Variants in FREM1 observed in about 807,000 individuals in gnomAD.
FREM1 encodes the protein FRAS1 related extracellular matrix 1, also known as FRAS1-related extracellular matrix protein 1.
A neutral mutation model predicts 210.1 loss-of-function variants in FREM1; 220 were observed. The observed-to-expected ratio is 1.05, with a 90% CI of 0.94 to 1.17. The LOEUF is 1.17. Ranked by LOEUF, FREM1 falls within the 50% of genes most tolerant of loss-of-function variation. The pLI is 0.00. For missense variants in FREM1, 3,454 were observed against 2,675.5 expected (o/e 1.29, Z -6.42); for synonymous variants, 1,189 against 980.2 (o/e 1.21, Z -3.98).
At chr9:14,790,343 G>A (rs1817911344) in intron 22 of FREM1, among the ~76,000 whole-genome samples, 1 of 152,050 alleles carries the variant, frequency 6.6e-6, no homozygotes, top group Non-Finnish European at 1.5e-5. Flanking sequence ...TCTGATGTTT[G>A]TAGACTTATG....
At chr9:14,816,235 T>C (rs774524532) in intron 15 of FREM1, among the ~76,000 whole-genome samples, 8 of 152,200 alleles carry the variant, frequency 5.3e-5, no homozygotes, top group Non-Finnish European at 1.0e-4. Flanking sequence ...TAATTCTACC[T>C]CTAAATAGAT....
In FREM1 at chr9:14,868,874, A is replaced by G. The variant is rs761817313; in HGVS notation, c.104T>C (p.Met35Thr). The G allele has an allele frequency of 1.2e-6, 2 of 1,608,078 alleles. No individual in the cohort carries two copies. Among genetic ancestry groups the G allele is most frequent in the Admixed American group, 3.4e-5 (2 of 59,238 alleles). The change falls in exon 2 of 37, where the codon ATG (methionine) becomes ACG (threonine). Residue 35 changes from methionine (M) to threonine (T), a missense_variant. By Grantham distance (81) the Met-to-Thr change is moderately conservative. Transcript: ENST00000380880. The stretch of plus-strand genomic sequence containing the variant: ...TGACAGGAAGGCAGAGTGGCCCTTC[A>G]TCACCCTCACCCCGCGGTTGATGCT... The part of the protein sequence containing the change: ...FISINRGVRV[M>T]KGHSAFLSGD...
intron 8 of FREM1, 43 bp downstream of exon 8, chr9:14,845,917 T>C (rs1826518905): frequency 6.2e-7 from 1 of 1,605,766 alleles, no homozygotes; most frequent in Non-Finnish European, 8.5e-7. Context: ...TTGAAGAAAA[T>C]ACTTTTGGAT....
chr9:14,758,081 G>A (rs1210776361), intron 28 of FREM1, among the ~76,000 whole-genome samples: 2 of 152,116 alleles, frequency 1.3e-5, no homozygotes, highest in Admixed American at 6.6e-5. Flanking sequence ...AGGTGAAGGT[G>A]CACAATTCAA....
chr9:14,832,483 C>T (rs1823747425), intron 10 of FREM1, among the ~76,000 whole-genome samples: 1 of 152,192 alleles, frequency 6.6e-6, no homozygotes, highest in Non-Finnish European at 1.5e-5. Context: ...GGCAAAGAAA[C>T]AGGGGAAACA....
chr9:14,799,842 A>G (rs2133249949), intron 20 of FREM1, among the ~76,000 whole-genome samples: 1 of 151,798 alleles, frequency 6.6e-6, no homozygotes, highest in South Asian at 2.1e-4. Flanking sequence ...ACATGTGCAC[A>G]ATGTGCAGGT....
At chr9:14,831,617 T>C (rs1189530532) in intron 10 of FREM1, among the ~76,000 whole-genome samples, 1 of 152,250 alleles carries the variant, frequency 6.6e-6, no homozygotes, top group East Asian at 1.9e-4. Context: ...AGAACCATTT[T>C]TCTATGGGTA....
At position 14,808,038 on chromosome 9, in the gene FREM1, C is replaced by T. The variant is rs1818702220; in HGVS notation, c.2990G>A (p.Gly997Glu). Residue 997 changes from glycine (G) to glutamate (E), a missense_variant, in exon 17 of 37, where the codon GGA becomes GAA. Transcript: ENST00000380880. ...GPFVNGCCYN[G>E]PNPSVPLHAS... Reference sequence around the variant, plus strand: ...ATGAAGTGGAACAGATGGATTGGGTCCATTGTAGCAACAGCCATTCACAAA... The same window carrying T: ...ATGAAGTGGAACAGATGGATTGGGTTCATTGTAGCAACAGCCATTCACAAA... The T allele has an allele frequency of 6.2e-7, 1 of 1,613,512 alleles. No homozygotes were observed. The highest frequency in any genetic ancestry group is 8.5e-7 in the Non-Finnish European group (1 of 1,179,656).
rs1167952603 is a variant in FREM1, at chr9:14,836,812, G to A, written c.1881+4635C>T. Among the ~76,000 whole-genome samples the A allele has an allele frequency of 2.0e-5, 3 of 152,198 alleles. No homozygotes were observed. Among genetic ancestry groups the A allele is most frequent in the Admixed American group, 1.3e-4 (2 of 15,278 alleles). ...ATTCAACGCCCCTTTTAAGTAGGAA[G>A]TAGCCAGAAAGAGTCTTCGCCCAAA... On this transcript the variant is annotated intron_variant, in intron 10 of 36. Transcript: ENST00000380880. This position sits in a 1 kb window ranked among gnomAD's most constrained non-coding sequence, Gnocchi z 4.9.
At chr9:14,823,035 T>C (rs1564009210) in intron 13 of FREM1, 125 bp downstream of exon 13, 2 of 617,302 alleles carry the variant, frequency 3.2e-6, no homozygotes, top group Non-Finnish European at 5.0e-6. Flanking sequence ...TACTACACCA[T>C]AGATGGAAAT....
rs150991569 is a variant in FREM1 at position 14,890,415 on chromosome 9, A to C, written c.-268+19499T>G. 2.5e-3 allele frequency among the ~76,000 whole-genome samples: 380 copies of C among 152,366 alleles called. 2 individuals carry two copies. The highest frequency in any genetic ancestry group is 8.7e-3 in the African/African-American group (362 of 41,578). On this transcript the variant is annotated intron_variant, in intron 1 of 36. Coordinates refer to ENST00000380880, the MANE Select transcript of FREM1 (RefSeq NM_001379081.2). Reference sequence around the variant, plus strand: ...CACCATACCCAAATACATTTGAAGCACAGAACGCTAAAATCACCTTCTAAA... The same window carrying C: ...CACCATACCCAAATACATTTGAAGCCCAGAACGCTAAAATCACCTTCTAAA...
Position 14,861,372 on chromosome 9 carries a change from T to C in FREM1, c.330-1888A>G, listed in dbSNP as rs1830536412. Among the ~76,000 whole-genome samples, 7 of 88,276 alleles carry C rather than the reference T, an allele frequency of 7.9e-5. 1 individual carries two copies. The allele number at this position is 88,276 out of a possible 152,430, so 57.9% of individuals were successfully genotyped here. A position where few individuals can be genotyped will look rare whatever the true frequency, so the allele number is the denominator to read the frequency against. On this transcript the variant is annotated intron_variant, in intron 3 of 36. Transcript: ENST00000380880. ...ATACATATATACACATATATACACGTATATACATATATGTACACATATATA... is the reference window on the plus strand; with the variant it reads ...ATACATATATACACATATATACACGCATATACATATATGTACACATATATA...
At chr9:14,833,348 T>A (rs574481702) in intron 10 of FREM1, among the ~76,000 whole-genome samples, 2 of 152,214 alleles carry the variant, frequency 1.3e-5, no homozygotes, top group South Asian at 4.1e-4. Flanking sequence ...GCGGCTGTTA[T>A]CATCTTTGTT....
At chr9:14,751,304 T>C (rs1480823859) in intron 29 of FREM1, among the ~76,000 whole-genome samples, 1 of 152,220 alleles carries the variant, frequency 6.6e-6, no homozygotes, top group Non-Finnish European at 1.5e-5. Context: ...TTTACTCCTT[T>C]AAGCCCCTCT....
intron 19 of FREM1, among the ~76,000 whole-genome samples, chr9:14,802,861 T>C (rs1817550356): frequency 1.3e-5 from 2 of 152,184 alleles, no homozygotes; most frequent in South Asian, 2.1e-4. Context: ...CTAGTGCTGC[T>C]AGATATTCAT....
Position 14,770,720 on chromosome 9 carries a change from C to A in FREM1, c.4944G>T (p.Gly1648=). The stretch of plus-strand genomic sequence containing the variant: ...TCAACACGCGGGAAGTGATGTAAAT[C>A]CCGTAGCAGCCATTTTTCAGGAGCC... The part of the protein sequence containing the change: ...QVGLLKNGCY[G]IYITSRVLKA... Residue 1648 remains glycine, a synonymous_variant, in exon 26 of 37, where the codon GGG becomes GGT. Coordinates refer to ENST00000380880, the MANE Select transcript of FREM1 (RefSeq NM_001379081.2). 1 of 1,613,448 alleles carries A rather than the reference C, an allele frequency of 6.2e-7. No individual in the cohort carries two copies.
chr9:14,861,302 C>CATATATACATATATACATATAT (rs1451793034), intron 3 of FREM1, among the ~76,000 whole-genome samples: 1 of 109,814 alleles, frequency 9.1e-6, no homozygotes, highest in African/African-American at 5.4e-5. Flanking sequence ...TACATATATA[C>CATATATACATATATACATATAT]ACATATATAC....
At chr9:14,808,801 G>A (rs1018388742) in intron 16 of FREM1, among the ~76,000 whole-genome samples, 3 of 152,198 alleles carry the variant, frequency 2.0e-5, no homozygotes, top group South Asian at 2.1e-4. Context: ...ACAGTGACAG[G>A]AAGAAGGAAC....
intron 20 of FREM1, among the ~76,000 whole-genome samples, chr9:14,801,216 T>C (rs1403797857): frequency 1.3e-5 from 2 of 152,194 alleles, no homozygotes; most frequent in African/African-American, 4.8e-5. Flanking sequence ...CAGGCTGGTG[T>C]CAAATTCCTG....
Sources: gnomAD v4.1 joint callset for allele counts (sites outside exome capture counted in the v4.1 genomes callset) on GRCh38, gnomAD v4.1.1 for gene constraint, Gnocchi (gnomAD v3.1) non-coding constraint, MANE v1.5 for transcripts, NCBI Gene and HGNC (gene_info 2026-07-23, HGNC 2026-07-21) for gene names.